Variants in CDH18 observed in about 807,000 individuals in gnomAD.
CDH18 encodes the protein cadherin-18.
CDH18 carries 31 observed loss-of-function variants against 67.9 expected under a neutral mutation model. The ratio of observed to expected loss-of-function variants is 0.46; its 90% CI spans 0.34 to 0.62. The LOEUF (loss-of-function observed/expected upper bound fraction) is 0.62. CDH18 is among the 20% of genes least tolerant of loss of function. CDH18 has a pLI of 0.01. For missense variants in CDH18, 890 were observed against 975.5 expected (o/e 0.91, Z 1.17); for synonymous variants, 362 against 347.2 (o/e 1.04, Z -0.48).
chr5:19,874,043 G>GCTCAAGGGCATGTATACA (rs1243568520), intron 2 of CDH18, among the ~76,000 whole-genome samples: 4 of 152,132 alleles, frequency 2.6e-5, no homozygotes, highest in Non-Finnish European at 4.4e-5. Flanking sequence ...ACTGGCATGT[G>GCTCAAGGGCATGTATACA]CTCAAGGGCA....
chr5:20,030,142 T>G (rs973305162), intron 2 of CDH18, among the ~76,000 whole-genome samples: 3 of 152,196 alleles, frequency 2.0e-5, no homozygotes, highest in Non-Finnish European at 2.9e-5. Flanking sequence ...ACAACTTTAC[T>G]CTGTCAATGG....
chr5:19,670,599 A>C (rs1758606583), intron 5 of CDH18, among the ~76,000 whole-genome samples: 1 of 152,146 alleles, frequency 6.6e-6, no homozygotes, highest in Non-Finnish European at 1.5e-5. Flanking sequence ...CTTTGTGTGA[A>C]TATGAAGGCT....
chr5:19,650,005 T>C (rs1181920292), intron 5 of CDH18, among the ~76,000 whole-genome samples: 3 of 152,018 alleles, frequency 2.0e-5, no homozygotes, highest in South Asian at 4.1e-4. Flanking sequence ...TACTGACTTA[T>C]GGCTCAAATT....
intron 2 of CDH18, among the ~76,000 whole-genome samples, chr5:20,226,433 T>C (rs1322384140): frequency 6.6e-6 from 1 of 152,136 alleles, no homozygotes; most frequent in Non-Finnish European, 1.5e-5. Flanking sequence ...TTTGTTAAAA[T>C]GTACCAGTCC....
At chr5:20,538,952 G>A (rs903251292) in intron 1 of CDH18, among the ~76,000 whole-genome samples, 16 of 123,192 alleles carry the variant, frequency 1.3e-4, no homozygotes, top group Non-Finnish European at 2.2e-4. Context: ...GCAGTGTCAC[G>A]ATCTCAGCTC....
intron 3 of CDH18, among the ~76,000 whole-genome samples, chr5:19,800,296 C>G (rs1005026247): frequency 6.6e-6 from 1 of 152,118 alleles, no homozygotes; most frequent in African/African-American, 2.4e-5. Context: ...AGAAAAAGTA[C>G]TTAATGTCTC....
At position 20,175,655 on chromosome 5, in the gene CDH18, G is replaced by T. The variant is rs547930309; in HGVS notation, c.-518+79789C>A. 2.5e-4 allele frequency among the ~76,000 whole-genome samples: 38 copies of T among 152,184 alleles called. No individual in the cohort carries two copies. In the South Asian group the frequency reaches 6.4e-3, roughly 26 times the overall value. On this transcript the variant is annotated intron_variant, in intron 2 of 14. Transcript: ENST00000507958. ...AGGGACAGAACTAATATGATATATA[G>T]ATACATATAAAACTGAGGAACTTGG...
chr5:20,124,025 G>C (rs543638507), intron 2 of CDH18, among the ~76,000 whole-genome samples: 1 of 151,944 alleles, frequency 6.6e-6, no homozygotes, highest in Non-Finnish European at 1.5e-5. Context: ...AAATATATAT[G>C]TATAAAATTT....
Position 19,948,190 on chromosome 5 carries a change from CTTAAA to C in CDH18, c.-257+32865_-257+32869del, listed in dbSNP as rs544801531. 2.9e-3 allele frequency among the ~76,000 whole-genome samples: 440 copies of C among 152,234 alleles called. 1 individual carries two copies. Among genetic ancestry groups the C allele is most frequent in the Non-Finnish European group, 4.8e-3 (329 of 68,020 alleles). ...CAAATGTAAAACAAGACATCCACTC[CTTAAA>C]TTAATCTGTCAGGATTTTTTTAACT... On this transcript the variant is annotated intron_variant, in intron 2 of 12. Transcript: ENST00000382275.
At chr5:19,574,968 G>C (rs958388586) in intron 7 of CDH18, among the ~76,000 whole-genome samples, 12 of 152,124 alleles carry the variant, frequency 7.9e-5, no homozygotes, top group Non-Finnish European at 1.3e-4. Context: ...GAACCCAGGA[G>C]GTGGAGGTTG....
chr5:20,159,187 T>C (rs1363090549), intron 2 of CDH18, among the ~76,000 whole-genome samples: 2 of 152,174 alleles, frequency 1.3e-5, no homozygotes, highest in Non-Finnish European at 2.9e-5. Context: ...GGTTTGTTCC[T>C]GGACCAAAAT....
chr5:20,446,005 G>A (rs1365632556), intron 1 of CDH18, among the ~76,000 whole-genome samples: 3 of 152,000 alleles, frequency 2.0e-5, no homozygotes, highest in East Asian at 1.9e-4. Context: ...AAAGGATGAT[G>A]TTATTTGATT....
intron 9 of CDH18, among the ~76,000 whole-genome samples, chr5:19,538,546 C>G (rs1247523461): frequency 1.3e-5 from 2 of 152,068 alleles, no homozygotes; most frequent in African/African-American, 2.4e-5. Context: ...TAATTTACTT[C>G]ACAATATAAA....
At chr5:19,915,678 CAT>C (rs1303277713) in intron 2 of CDH18, among the ~76,000 whole-genome samples, 3 of 151,668 alleles carry the variant, frequency 2.0e-5, no homozygotes, top group African/African-American at 7.3e-5. Flanking sequence ...TTATAACATA[CAT>C]ATATATCATT....
Position 19,755,488 on chromosome 5 carries a change from T to C in CDH18, c.229-8252A>G, listed in dbSNP as rs1176099449. On this transcript the variant is annotated intron_variant, in intron 3 of 12. Transcript: ENST00000382275. Reference sequence around the variant, plus strand: ...ACACACACACACATACATAGATATATACACATATATATACACACACACATA... The same window carrying C: ...ACACACACACACATACATAGATATACACACATATATATACACACACACATA... Among the ~76,000 whole-genome samples, 97 of 91,158 alleles carry C rather than the reference T, an allele frequency of 1.1e-3. 1 individual carries two copies. Among genetic ancestry groups the C allele is most frequent in the African/African-American group, 2.8e-3 (94 of 33,692 alleles). The allele number at this position is 91,158 out of a possible 152,430, so 59.8% of individuals were successfully genotyped here. A position where few individuals can be genotyped will look rare whatever the true frequency, so the allele number is the denominator to read the frequency against.
At chr5:20,258,244 AGCTCTCT>A (rs1361910346) in intron 1 of CDH18, among the ~76,000 whole-genome samples, 1 of 152,154 alleles carries the variant, frequency 6.6e-6, no homozygotes, top group Non-Finnish European at 1.5e-5. Context: ...AAAAATCAGA[AGCTCTCT>A]GTAAGAGTGT....
intron 1 of CDH18, among the ~76,000 whole-genome samples, chr5:20,428,387 AT>A (rs1033572496): frequency 6.6e-6 from 1 of 152,184 alleles, no homozygotes; most frequent in African/African-American, 2.4e-5. Context: ...GCTATTGTAA[AT>A]AGTGCTGAGT....
At chr5:19,880,526 T>C (rs1787522397) in intron 2 of CDH18, among the ~76,000 whole-genome samples, 1 of 152,108 alleles carries the variant, frequency 6.6e-6, no homozygotes, top group Non-Finnish European at 1.5e-5. Flanking sequence ...AGAGCTCCTC[T>C]GAATTGCAAT....
At chr5:19,783,194 A>G (rs577934947) in intron 3 of CDH18, among the ~76,000 whole-genome samples, 9 of 152,268 alleles carry the variant, frequency 5.9e-5, no homozygotes, top group Non-Finnish European at 1.0e-4. Context: ...CTATTATGTA[A>G]CACGAGGCAA....
Sources: allele counts gnomAD v4.1 joint callset (sites outside exome capture counted in the v4.1 genomes callset), GRCh38; gene constraint gnomAD v4.1.1; transcripts MANE v1.5; gene names NCBI Gene and HGNC (gene_info 2026-07-23, HGNC 2026-07-21).